The following ATXN7L1 variants were observed in gnomAD, a reference collection of about 807,000 sequenced individuals.
ATXN7L1 encodes the protein ataxin-7-like protein 1.
ATXN7L1 carries 15 observed loss-of-function variants against 70.8 expected under a neutral mutation model. The ratio of observed to expected loss-of-function variants is 0.21; its 90% confidence interval spans 0.14 to 0.33. The LOEUF (loss-of-function observed/expected upper bound fraction) is 0.33. ATXN7L1 is among the 10% of genes least tolerant of loss of function. The pLI is 1.00. For synonymous variants in ATXN7L1, 440 were observed against 445.1 expected (o/e 0.99, Z 0.14); for missense variants, 975 against 1,097.1 (o/e 0.89, Z 1.57).
chr7:105,626,655 G>A (rs994695837), intron 7 of ATXN7L1, among the ~76,000 whole-genome samples: 2 of 152,054 alleles, frequency 1.3e-5, no homozygotes, highest in African/African-American at 2.4e-5. Flanking sequence ...CTCTCCCGAC[G>A]TTCCTCAATA....
At chr7:105,608,005 C>T in intron 11 of ATXN7L1, 115 bp from the exon 12 acceptor site, 3 of 929,316 alleles carry the variant, frequency 3.2e-6, no homozygotes, top group South Asian at 1.5e-5. Context: ...CAATATCCCA[C>T]CTCCCATATC....
chr7:105,834,754 T>C (rs972760814), intron 2 of ATXN7L1, among the ~76,000 whole-genome samples: 11 of 152,100 alleles, frequency 7.2e-5, no homozygotes, highest in Non-Finnish European at 1.3e-4. Flanking sequence ...ACAACTTCAA[T>C]AACGTTCAGA....
intron 3 of ATXN7L1, among the ~76,000 whole-genome samples, chr7:105,736,962 G>A (rs186819251): frequency 2.2e-4 from 33 of 152,226 alleles, no homozygotes; most frequent in Admixed American, 1.7e-3. Flanking sequence ...AACGAATTGT[G>A]GGAAATTTTC....
At chr7:105,781,736 G>C (rs1803561267) in intron 3 of ATXN7L1, among the ~76,000 whole-genome samples, 1 of 152,174 alleles carries the variant, frequency 6.6e-6, no homozygotes, top group Non-Finnish European at 1.5e-5. Flanking sequence ...GAAACTTTAT[G>C]AGATAAACTA....
intron 3 of ATXN7L1, among the ~76,000 whole-genome samples, chr7:105,706,592 A>G (rs1215440958): frequency 6.6e-6 from 1 of 152,198 alleles, no homozygotes; most frequent in Non-Finnish European, 1.5e-5. Flanking sequence ...AACAAAAACA[A>G]CAAACCTCTG....
intron 7 of ATXN7L1, among the ~76,000 whole-genome samples, chr7:105,631,358 C>T (rs1450545494): frequency 6.6e-6 from 1 of 152,170 alleles, no homozygotes; most frequent in Non-Finnish European, 1.5e-5. Context: ...GGACTAAATA[C>T]AGCTCAAGAG....
At chr7:105,797,087 C>T (rs1034735302) in intron 2 of ATXN7L1, among the ~76,000 whole-genome samples, 1 of 152,218 alleles carries the variant, frequency 6.6e-6, no homozygotes. Flanking sequence ...GGTGAGCTCT[C>T]CAGCATCACT....
At chr7:105,731,601 A>AT (rs533184434) in intron 3 of ATXN7L1, among the ~76,000 whole-genome samples, 419 of 151,032 alleles carry the variant, frequency 2.8e-3, no homozygotes, top group African/African-American at 9.8e-3. Flanking sequence ...CGCCCGGCTA[A>AT]TTTTTTTATT....
chr7:105,641,041 G>T (rs1265495008), intron 5 of ATXN7L1, among the ~76,000 whole-genome samples: 1 of 152,132 alleles, frequency 6.6e-6, no homozygotes, highest in Non-Finnish European at 1.5e-5. Flanking sequence ...CATAATAAAT[G>T]AATGTATTCT....
At chr7:105,814,057 G>A (rs934027958) in intron 2 of ATXN7L1, among the ~76,000 whole-genome samples, 1 of 152,046 alleles carries the variant, frequency 6.6e-6, no homozygotes, top group African/African-American at 2.4e-5. Flanking sequence ...AGGAGACGTC[G>A]TCCTCAGGAA....
chr7:105,617,865 G>A, intron 9 of ATXN7L1: 1 of 452,332 alleles, frequency 2.2e-6, no homozygotes, highest in South Asian at 1.6e-5. Flanking sequence ...AAAGAGTCTT[G>A]GCCGTTCCTT....
rs543870366 is a variant in ATXN7L1 at position 105,735,769 on chromosome 7, C to T, written c.355+52835G>A. ...TTTCTTTTCACTTTGTTGAATGTTG[C>T]AATGACTCTGAGGACCCAGTGAGAT... On this transcript the variant is annotated intron_variant, in intron 3 of 11. Coordinates refer to ENST00000419735, the MANE Select transcript of ATXN7L1 (RefSeq NM_020725.2). Among the ~76,000 whole-genome samples the T allele has an allele frequency of 1.6e-4, 25 of 152,238 alleles. No homozygotes were observed. In the South Asian group the frequency reaches 4.8e-3, roughly 29 times the overall value.
chr7:105,619,275 G>C (rs899797597), intron 9 of ATXN7L1, among the ~76,000 whole-genome samples: 1 of 144,518 alleles, frequency 6.9e-6, no homozygotes, highest in Middle Eastern at 3.7e-3. Flanking sequence ...AGCCTCCTGA[G>C]TAGCTGGGAT....
chr7:105,718,700 G>C (rs1456812434), intron 3 of ATXN7L1, among the ~76,000 whole-genome samples: 2 of 152,202 alleles, frequency 1.3e-5, no homozygotes, highest in African/African-American at 4.8e-5. Context: ...CTTCGGCTTG[G>C]GGCCAACCCA....
At position 105,867,088 on chromosome 7, in the gene ATXN7L1, C is replaced by A. The variant is rs371088664; in HGVS notation, c.250+8724G>T. Reference sequence around the variant, plus strand: ...TCAATTCTGCAGCAGAGACGGCAGGCCCCTGGGAACCGCCGGCTGAAAGCA... The same window carrying A: ...TCAATTCTGCAGCAGAGACGGCAGGACCCTGGGAACCGCCGGCTGAAAGCA... On this transcript the variant is annotated intron_variant, in intron 2 of 11. Transcript: ENST00000419735. Among the ~76,000 whole-genome samples the A allele has an allele frequency of 5.3e-5, 8 of 152,282 alleles. No homozygotes were observed. The East Asian group carries it at 1.5e-3, about 29-fold the overall frequency.
At chr7:105,779,166 T>C (rs1803184169) in intron 3 of ATXN7L1, among the ~76,000 whole-genome samples, 1 of 152,244 alleles carries the variant, frequency 6.6e-6, no homozygotes, top group Non-Finnish European at 1.5e-5. Flanking sequence ...TTCTGCCAGT[T>C]ACATCAGCCT....
At chr7:105,875,650 A>G (rs1447511885) in intron 2 of ATXN7L1, among the ~76,000 whole-genome samples, 162 bp downstream of exon 2, 1 of 108,392 alleles carries the variant, frequency 9.2e-6, no homozygotes, top group African/African-American at 3.5e-5. Context: ...TTGTATTTAT[A>G]CTTTGAAAGA....
At chr7:105,747,949 G>A (rs914682645) in intron 3 of ATXN7L1, among the ~76,000 whole-genome samples, 6 of 152,030 alleles carry the variant, frequency 3.9e-5, no homozygotes, top group East Asian at 1.9e-4. Context: ...GAGAAACTCC[G>A]TCTCTACTAA....
intron 2 of ATXN7L1, among the ~76,000 whole-genome samples, chr7:105,790,223 C>T (rs1037472124): frequency 1.1e-4 from 16 of 152,064 alleles, no homozygotes; most frequent in Admixed American, 2.0e-4. Context: ...GTTCTAAGAT[C>T]GATAGTGATG....
Sources: allele counts gnomAD v4.1 joint callset (sites outside exome capture counted in the v4.1 genomes callset), GRCh38; gene constraint gnomAD v4.1.1; transcripts MANE v1.5; gene names NCBI Gene and HGNC (gene_info 2026-07-23, HGNC 2026-07-21).